Variants in RAB28 observed in about 807,000 individuals in gnomAD.
RAB28 encodes RAB28, member RAS oncogene family.
RAB28 carries 24 observed loss-of-function variants against 31.7 expected under a neutral mutation model. The ratio of observed to expected loss-of-function variants is 0.76; its 90% CI spans 0.55 to 1.06. The LOEUF is 1.06. Among genes scored for constraint, RAB28 ranks in the 50% least tolerant of loss-of-function variants. The pLI, the probability that RAB28 is intolerant of heterozygous loss-of-function variation, is 0.00. For synonymous variants in RAB28, 100 were observed against 90.4 expected (o/e 1.11, Z -0.60); for missense variants, 254 against 258.5 (o/e 0.98, Z 0.12).
chr4:13,386,358 A>T (rs1196077045), intron 4 of RAB28, among the ~76,000 whole-genome samples: 1 of 152,152 alleles, frequency 6.6e-6, no homozygotes, highest in East Asian at 1.9e-4. Flanking sequence ...CAAACTATGC[A>T]TCTGACAAAG....
intron 3 of RAB28, among the ~76,000 whole-genome samples, chr4:13,469,334 C>G (rs1282136426): frequency 2.0e-5 from 3 of 152,176 alleles, no homozygotes; most frequent in African/African-American, 4.8e-5. Flanking sequence ...ATTTATCTCT[C>G]TCCTATGTCT....
intron 4 of RAB28, among the ~76,000 whole-genome samples, chr4:13,388,061 C>G (rs1729454637): frequency 6.7e-6 from 1 of 148,354 alleles, no homozygotes; most frequent in Admixed American, 6.7e-5. Context: ...GATCTTTTAA[C>G]AAACGTGGTG....
rs529775421 is a variant in RAB28 at position 13,399,334 on chromosome 4, T to C, written c.392-17740A>G. On this transcript the variant is annotated intron_variant, in intron 4 of 6. Transcript: ENST00000330852. ...CTTTTTATAAGTCTACCACAATCTA[T>C]AAATATTTTCTCCAATTGATGAACA... Among the ~76,000 whole-genome samples, 11 of 152,330 alleles carry C rather than the reference T, an allele frequency of 7.2e-5. No individual in the cohort carries two copies. The South Asian group carries it at 8.3e-4, about 11-fold the overall frequency.
intron 4 of RAB28, among the ~76,000 whole-genome samples, chr4:13,453,664 A>G (rs1323808992): frequency 4.6e-5 from 7 of 151,664 alleles, no homozygotes; most frequent in Admixed American, 1.3e-4. Flanking sequence ...ATTCCATTCT[A>G]TCCTGGCCTG....
chr4:13,404,509 T>C (rs1029145798), intron 4 of RAB28, among the ~76,000 whole-genome samples: 3 of 152,090 alleles, frequency 2.0e-5, no homozygotes, highest in African/African-American at 7.2e-5. Flanking sequence ...AACACAAAAT[T>C]TAATCAATTT....
chr4:13,376,610 A>C lies in RAB28; in HGVS notation c.508T>G (p.Phe170Val), dbSNP rs752680031. 1 of 1,601,828 alleles carries C rather than the reference A, an allele frequency of 6.2e-7. No individual in the cohort carries two copies. The highest frequency in any genetic ancestry group is 8.5e-7 in the Non-Finnish European group (1 of 1,175,158). Residue 170 changes from phenylalanine to valine, a missense_variant, in exon 6 of 7, where the codon TTT becomes GTT. By Grantham distance (50) the Phe-to-Val change is conservative. Transcript: ENST00000330852. ...AGGATTTCAGCAGCAACTTTCTGAAAGCACAGGAAGACCTACATAACAAAA... is the reference window on the plus strand; with the variant it reads ...AGGATTTCAGCAGCAACTTTCTGAACGCACAGGAAGACCTACATAACAAAA... ...AKTGDSVFLC[F>V]QKVAAEILGI...
intron 3 of RAB28, among the ~76,000 whole-genome samples, chr4:13,470,365 C>G (rs138496526): frequency 2.0e-5 from 3 of 152,022 alleles, no homozygotes; most frequent in East Asian, 1.9e-4. Context: ...AAAAAACTTA[C>G]AGTAAAAGAG....
intron 4 of RAB28, among the ~76,000 whole-genome samples, chr4:13,433,355 A>G (rs1713920413): frequency 6.6e-6 from 1 of 152,128 alleles, no homozygotes; most frequent in Non-Finnish European, 1.5e-5. Flanking sequence ...AACTATCAAC[A>G]CAGAAAGCAG....
intron 4 of RAB28, among the ~76,000 whole-genome samples, chr4:13,390,386 C>T (rs1729573442): frequency 6.6e-6 from 1 of 152,082 alleles, no homozygotes; most frequent in African/African-American, 2.4e-5. Flanking sequence ...TCAAGGAGAA[C>T]TACAAACCAC....
chr4:13,369,296 CTTCATA>C (rs1728627982), intron 6 of RAB28, among the ~76,000 whole-genome samples: 1 of 152,048 alleles, frequency 6.6e-6, no homozygotes, highest in African/African-American at 2.4e-5. Flanking sequence ...TAGAAAATTA[CTTCATA>C]TTCATGTTTT....
At chr4:13,416,041 G>C (rs1331578980) in intron 4 of RAB28, among the ~76,000 whole-genome samples, 2 of 152,288 alleles carry the variant, frequency 1.3e-5, no homozygotes, top group East Asian at 3.9e-4. Context: ...TTTGTGTCTA[G>C]CTCAGGGATT....
At chr4:13,475,442 G>T (rs978157351) in intron 2 of RAB28, among the ~76,000 whole-genome samples, 3 of 151,410 alleles carry the variant, frequency 2.0e-5, no homozygotes, top group Admixed American at 1.3e-4. Context: ...TTCAAAAAAA[G>T]ATTATAAAGA....
chr4:13,426,024 G>C (rs1713462968), intron 4 of RAB28, among the ~76,000 whole-genome samples: 1 of 152,104 alleles, frequency 6.6e-6, no homozygotes, highest in Non-Finnish European at 1.5e-5. Context: ...AGCAAGATGA[G>C]ATTTTAAACA....
intron 3 of RAB28, among the ~76,000 whole-genome samples, chr4:13,469,865 T>A (rs1716038100): frequency 6.6e-6 from 1 of 151,936 alleles, no homozygotes; most frequent in Non-Finnish European, 1.5e-5. Flanking sequence ...ATTTTTTAAA[T>A]TTTTTTGTAG....
At chr4:13,475,443 A>G (rs1013695812) in intron 2 of RAB28, among the ~76,000 whole-genome samples, 1 of 151,674 alleles carries the variant, frequency 6.6e-6, no homozygotes, top group African/African-American at 2.4e-5. Flanking sequence ...TCAAAAAAAG[A>G]TTATAAAGAT....
At chr4:13,421,621 T>C (rs1713151243) in intron 4 of RAB28, among the ~76,000 whole-genome samples, 1 of 152,182 alleles carries the variant, frequency 6.6e-6, no homozygotes, top group African/African-American at 2.4e-5. Context: ...CATCTGATCT[T>C]CGACAAACCT....
chr4:13,445,698 A>G (rs889214468), intron 4 of RAB28, among the ~76,000 whole-genome samples: 7 of 151,680 alleles, frequency 4.6e-5, no homozygotes, highest in Non-Finnish European at 7.4e-5. Context: ...GAAGAACAGC[A>G]AAGACTGCTA....
intron 4 of RAB28, among the ~76,000 whole-genome samples, chr4:13,406,631 G>A (rs113741269): frequency 1.3e-5 from 2 of 152,140 alleles, no homozygotes; most frequent in African/African-American, 4.8e-5. Flanking sequence ...GTGTAAAAGT[G>A]TTCCTATTTC....
chr4:13,443,349 T>C (rs1018670371), intron 4 of RAB28, among the ~76,000 whole-genome samples: 1 of 151,878 alleles, frequency 6.6e-6, no homozygotes, highest in African/African-American at 2.4e-5. Flanking sequence ...AATTTTTGTA[T>C]TTTTAGTAGA....
Sources: allele counts gnomAD v4.1 joint callset (sites outside exome capture counted in the v4.1 genomes callset), GRCh38; gene constraint gnomAD v4.1.1; transcripts MANE v1.5; gene names NCBI Gene and HGNC (gene_info 2026-07-23, HGNC 2026-07-21).